SUMF1: variants seen among roughly 807,000 people sequenced by gnomAD.
SUMF1 encodes formylglycine-generating enzyme.
In SUMF1, 48 loss-of-function variants were observed where a neutral mutation model predicts 47.6. That is an observed-to-expected ratio of 1.01 (90% CI 0.80 to 1.28). The LOEUF (loss-of-function observed/expected upper bound fraction) is 1.28. Ranked by LOEUF, SUMF1 falls within the 50% of genes most tolerant of loss-of-function variation. SUMF1 has a pLI of 0.00. For missense variants in SUMF1, 571 were observed against 485.4 expected (o/e 1.18, Z -1.66); for synonymous variants, 230 against 192.1 (o/e 1.20, Z -1.63).
chr3:4,143,271 C>T lies in SUMF1; in HGVS notation c.1015-74526G>A, dbSNP rs958253110. The stretch of plus-strand genomic sequence containing the variant: ...AGATGCTAAGTGCCAGATTCAAGAA[C>T]AGACCAGTGCAGAAAAGTTGGTGCA... On this transcript the variant is annotated intron_variant and NMD_transcript_variant, in intron 8 of 12. Coordinates refer to the SUMF1 transcript ENST00000448413. Among the ~76,000 whole-genome samples the T allele has an allele frequency of 3.9e-5, 6 of 152,230 alleles. No homozygotes were observed. In the East Asian group the frequency reaches 9.7e-4, roughly 25 times the overall value.
intron 8 of SUMF1, among the ~76,000 whole-genome samples, chr3:4,350,850 C>T (rs1699485167): frequency 6.6e-6 from 1 of 152,092 alleles, no homozygotes; most frequent in Non-Finnish European, 1.5e-5. Flanking sequence ...TGCACCCCCT[C>T]CCTTTTTGCT....
chr3:4,253,347 G>GTACC (rs1450402593), intron 8 of SUMF1, among the ~76,000 whole-genome samples: 3 of 152,210 alleles, frequency 2.0e-5, no homozygotes, highest in Admixed American at 2.0e-4. Context: ...TCCATCTGAG[G>GTACC]TACCGGGTTC....
At chr3:4,387,532 A>G (rs1575162441) in intron 7 of SUMF1, among the ~76,000 whole-genome samples, 1 of 151,928 alleles carries the variant, frequency 6.6e-6, no homozygotes, top group Non-Finnish European at 1.5e-5. Context: ...AATCTTTTCA[A>G]AGACCCAGTT....
chr3:4,083,232 G>C (rs1216799273), intron 8 of SUMF1, among the ~76,000 whole-genome samples: 1 of 152,086 alleles, frequency 6.6e-6, no homozygotes, highest in Non-Finnish European at 1.5e-5. Context: ...CTTTGTTGGC[G>C]GCTACACAAT....
intron 8 of SUMF1, among the ~76,000 whole-genome samples, chr3:4,352,731 TAAAAAAAAA>T (rs34628235): frequency 9.2e-6 from 1 of 108,252 alleles, no homozygotes; most frequent in African/African-American, 3.2e-5. Context: ...TTGCTGCGTG[TAAAAAAAAA>T]AAAAAAAAAA....
At chr3:4,277,894 A>T (rs1697451024) in intron 8 of SUMF1, among the ~76,000 whole-genome samples, 1 of 152,144 alleles carries the variant, frequency 6.6e-6, no homozygotes, top group Non-Finnish European at 1.5e-5. Flanking sequence ...TTGACGTGGT[A>T]ATCTAATCAT....
At chr3:4,207,183 T>C (rs1695671641) in intron 8 of SUMF1, among the ~76,000 whole-genome samples, 1 of 152,204 alleles carries the variant, frequency 6.6e-6, no homozygotes, top group South Asian at 2.1e-4. Context: ...TTGATTTTTG[T>C]ATATTTATCT....
At chr3:4,135,819 T>C (rs1344710245) in intron 8 of SUMF1, among the ~76,000 whole-genome samples, 1 of 152,180 alleles carries the variant, frequency 6.6e-6, no homozygotes, top group Non-Finnish European at 1.5e-5. Flanking sequence ...CAAGCATTCT[T>C]ATATACCAAT....
intron 9 of SUMF1, among the ~76,000 whole-genome samples, chr3:4,047,313 C>T (rs531153952): frequency 1.3e-5 from 2 of 152,240 alleles, no homozygotes; most frequent in South Asian, 4.1e-4. Context: ...AGGGACCTTA[C>T]CTAACTTCTT....
chr3:4,160,725 C>T (rs1694556435), intron 8 of SUMF1, among the ~76,000 whole-genome samples: 1 of 152,016 alleles, frequency 6.6e-6, no homozygotes, highest in African/African-American at 2.4e-5. Flanking sequence ...AATTCCTTCT[C>T]TGTGTTATCT....
intron 3 of SUMF1, among the ~76,000 whole-genome samples, chr3:4,439,910 C>T (rs1002389342): frequency 1.3e-5 from 2 of 151,980 alleles, no homozygotes; most frequent in Non-Finnish European, 2.9e-5. Flanking sequence ...GCTTAAACTA[C>T]TAGAAAACTA....
intron 8 of SUMF1, among the ~76,000 whole-genome samples, chr3:4,267,092 A>G (rs1697211242): frequency 3.3e-5 from 5 of 152,204 alleles, no homozygotes; most frequent in African/African-American, 9.6e-5. Flanking sequence ...ATCATGGTGG[A>G]TAAGCTTTTT....
chr3:4,398,932 A>T (rs1251369871), intron 7 of SUMF1, among the ~76,000 whole-genome samples: 1 of 152,224 alleles, frequency 6.6e-6, no homozygotes, highest in African/African-American at 2.4e-5. Context: ...AAACATTAAC[A>T]AGTCTGGGGA....
chr3:4,037,057 G>A (rs1244554008), intron 9 of SUMF1, among the ~76,000 whole-genome samples: 1 of 152,006 alleles, frequency 6.6e-6, no homozygotes, highest in Non-Finnish European at 1.5e-5. Context: ...CACAGGAGGA[G>A]AAACAAATAA....
chr3:4,294,091 G>A (rs537893411), intron 8 of SUMF1, among the ~76,000 whole-genome samples: 145 of 152,238 alleles, frequency 9.5e-4, no homozygotes, highest in Non-Finnish European at 1.7e-3. Context: ...CTTGGGCAGT[G>A]GAGATATTAA....
At chr3:4,321,127 A>G (rs57260363) in intron 8 of SUMF1, among the ~76,000 whole-genome samples, 6,114 of 152,240 alleles carry the variant, frequency 0.04, 386 homozygotes, top group African/African-American at 0.14. Context: ...CAAAGGAAGG[A>G]TGATCCATGT....
chr3:4,447,344 G>C (rs1702815241), intron 3 of SUMF1, among the ~76,000 whole-genome samples: 1 of 152,168 alleles, frequency 6.6e-6, no homozygotes, highest in South Asian at 2.1e-4. Flanking sequence ...TAAAAGGAGA[G>C]TAAAAGTGTA....
chr3:4,288,600 C>T (rs375184596), intron 8 of SUMF1, among the ~76,000 whole-genome samples: 55 of 152,140 alleles, frequency 3.6e-4, no homozygotes, highest in African/African-American at 1.3e-3. Context: ...GAGTTTGAGA[C>T]CAGCCTGACC....
At chr3:4,385,994 A>C (rs1428569415) in intron 7 of SUMF1, among the ~76,000 whole-genome samples, 1 of 152,190 alleles carries the variant, frequency 6.6e-6, no homozygotes, top group Non-Finnish European at 1.5e-5. Flanking sequence ...ATCTATAAGC[A>C]TATCCCTCCA....
Sources: allele counts gnomAD v4.1 joint callset (sites outside exome capture counted in the v4.1 genomes callset), GRCh38; gene constraint gnomAD v4.1.1; transcripts MANE v1.5; gene names NCBI Gene and HGNC (gene_info 2026-07-23, HGNC 2026-07-21).